The following TRAPPC9 variants were observed in gnomAD, a reference collection of about 807,000 sequenced individuals.
TRAPPC9 encodes IKK2 binding protein.
TRAPPC9 carries 83 observed loss-of-function variants against 124.0 expected under a neutral mutation model. The ratio of observed to expected loss-of-function variants is 0.67; its 90% confidence interval spans 0.56 to 0.80. The LOEUF (loss-of-function observed/expected upper bound fraction) is 0.80. Ranked by LOEUF, TRAPPC9 falls within the 30% of genes least tolerant of loss-of-function variation. TRAPPC9 has a pLI of 0.00. For synonymous variants in TRAPPC9, 638 were observed against 617.5 expected (o/e 1.03, Z -0.49); for missense variants, 1,302 against 1,508.3 (o/e 0.86, Z 2.27).
chr8:140,299,197 C>T (rs1185219357), intron 11 of TRAPPC9, among the ~76,000 whole-genome samples: 2 of 152,206 alleles, frequency 1.3e-5, no homozygotes, highest in Non-Finnish European at 2.9e-5. Flanking sequence ...GGGCTTGGAA[C>T]AAGCCTGTTT....
chr8:139,756,972 C>T (rs1418166241), intron 21 of TRAPPC9, among the ~76,000 whole-genome samples: 11 of 127,640 alleles, frequency 8.6e-5, no homozygotes, highest in East Asian at 4.9e-4. Context: ...CAGGAGAAGC[C>T]AGGGTTTGGG....
intron 17 of TRAPPC9, among the ~76,000 whole-genome samples, chr8:140,059,939 C>G (rs1035239846): frequency 6.6e-6 from 1 of 152,162 alleles, no homozygotes; most frequent in South Asian, 2.1e-4. Context: ...AGTCTGTGTA[C>G]GCTAACACCA....
At chr8:140,330,939 G>T (rs1327373042) in intron 9 of TRAPPC9, among the ~76,000 whole-genome samples, 1 of 151,766 alleles carries the variant, frequency 6.6e-6, no homozygotes, top group African/African-American at 2.4e-5. Context: ...AAATACCAGT[G>T]ATGTTTTTGA....
chr8:139,737,009 AAAT>A (rs912929358), intron 21 of TRAPPC9, among the ~76,000 whole-genome samples: 10 of 152,236 alleles, frequency 6.6e-5, no homozygotes, highest in Admixed American at 5.9e-4. Context: ...GACCTGGGAT[AAAT>A]AATGGGAAAA....
At position 140,128,306 on chromosome 8, in the gene TRAPPC9, A is replaced by T. The variant is rs147481525; in HGVS notation, c.2556+93153T>A. On this transcript the variant is annotated intron_variant, in intron 17 of 22. Transcript: ENST00000438773. ...AAGAAAAATACACAAACACACACAC[A>T]CAAGTTTTCATGGAAACCAGCTCCA... Among the ~76,000 whole-genome samples the T allele has an allele frequency of 1.2e-4, 19 of 152,364 alleles. No individual in the cohort carries two copies. The East Asian group carries it at 3.5e-3, about 28-fold the overall frequency.
intron 7 of TRAPPC9, among the ~76,000 whole-genome samples, chr8:140,373,283 G>A (rs113752535): frequency 2.6e-5 from 4 of 152,212 alleles, no homozygotes; most frequent in Non-Finnish European, 4.4e-5. Flanking sequence ...TAAGTCCAAT[G>A]AAATACTCTT....
intron 15 of TRAPPC9, among the ~76,000 whole-genome samples, chr8:140,253,170 T>C (rs900976616): frequency 7.9e-5 from 12 of 152,108 alleles, no homozygotes; most frequent in Non-Finnish European, 1.0e-4. Flanking sequence ...GGCACCGAGC[T>C]CAAGCCAAGC....
At chr8:139,972,206 AGC>A (rs1474478457) in intron 19 of TRAPPC9, among the ~76,000 whole-genome samples, 3 of 152,088 alleles carry the variant, frequency 2.0e-5, no homozygotes, top group Non-Finnish European at 4.4e-5. Context: ...CCACCACCAA[AGC>A]TTCAGGGAGA....
At chr8:140,333,944 C>G (rs946248280) in intron 9 of TRAPPC9, among the ~76,000 whole-genome samples, 1 of 152,188 alleles carries the variant, frequency 6.6e-6, no homozygotes, top group Non-Finnish European at 1.5e-5. Flanking sequence ...TTAATGAGGT[C>G]TTACTACATG....
chr8:140,235,753 C>T (rs1045157801), intron 16 of TRAPPC9, among the ~76,000 whole-genome samples: 3 of 152,200 alleles, frequency 2.0e-5, no homozygotes, highest in East Asian at 3.8e-4. Flanking sequence ...TTAAAGCCAA[C>T]ATAAACCTGA....
At chr8:139,791,576 G>GCACACA (rs1178174235) in intron 21 of TRAPPC9, among the ~76,000 whole-genome samples, 1 of 139,902 alleles carries the variant, frequency 7.1e-6, no homozygotes, top group Non-Finnish European at 1.6e-5. Context: ...CATCTCCCCT[G>GCACACA]CACAGACACA....
chr8:140,023,770 C>T (rs963828833), intron 18 of TRAPPC9, among the ~76,000 whole-genome samples, 167 bp downstream of exon 18: 1 of 152,228 alleles, frequency 6.6e-6, no homozygotes, highest in Non-Finnish European at 1.5e-5. Flanking sequence ...TCTCATGTAA[C>T]ACCTGGTTTC....
At chr8:140,370,349 G>C (rs916758818) in intron 8 of TRAPPC9, among the ~76,000 whole-genome samples, 1 of 152,018 alleles carries the variant, frequency 6.6e-6, no homozygotes, top group African/African-American at 2.4e-5. Flanking sequence ...ATGTTGGCCA[G>C]GCTGGTCATG....
chr8:140,002,607 A>G (rs926751760), intron 18 of TRAPPC9, among the ~76,000 whole-genome samples: 5 of 152,098 alleles, frequency 3.3e-5, no homozygotes, highest in South Asian at 2.1e-4. Flanking sequence ...ACATAGTAGT[A>G]AAGACTTATT....
intron 17 of TRAPPC9, among the ~76,000 whole-genome samples, chr8:140,188,479 T>C (rs574098017): frequency 6.6e-6 from 1 of 152,370 alleles, no homozygotes; most frequent in Admixed American, 6.5e-5. Flanking sequence ...CTCTCTATTC[T>C]GCTACAAGCT....
At chr8:140,438,178 G>A (rs2070885241) in intron 3 of TRAPPC9, among the ~76,000 whole-genome samples, 1 of 151,988 alleles carries the variant, frequency 6.6e-6, no homozygotes, top group Admixed American at 6.6e-5. Context: ...CCTCCTCCCA[G>A]CCCCTAGAAC....
intron 21 of TRAPPC9, among the ~76,000 whole-genome samples, chr8:139,814,629 C>A (rs1280431435): frequency 1.3e-5 from 2 of 152,096 alleles, no homozygotes; most frequent in Non-Finnish European, 2.9e-5. Flanking sequence ...GTTGTACAGC[C>A]AATAAGTAGC....
At chr8:140,331,439 A>C (rs1352185376) in intron 9 of TRAPPC9, among the ~76,000 whole-genome samples, 1 of 152,220 alleles carries the variant, frequency 6.6e-6, no homozygotes, top group Non-Finnish European at 1.5e-5. Flanking sequence ...AAGGACTCAA[A>C]AGCACAGGCC....
chr8:140,262,643 T>A (rs2064463448), intron 15 of TRAPPC9: 1 of 152,190 alleles, frequency 6.6e-6, no homozygotes, highest in Admixed American at 6.5e-5. Flanking sequence ...TAATACAGGA[T>A]GTGCAGTCGG....
Sources: gnomAD v4.1 joint callset for allele counts (sites outside exome capture counted in the v4.1 genomes callset) on GRCh38, gnomAD v4.1.1 for gene constraint, MANE v1.5 for transcripts, NCBI Gene and HGNC (gene_info 2026-07-23, HGNC 2026-07-21) for gene names.